DOK2: variants seen among roughly 807,000 people sequenced by gnomAD.
DOK2 encodes the protein docking protein 2, also known as docking protein 2, 56kD.
Under a neutral mutation model 26.0 loss-of-function variants are expected in DOK2, and 28 were observed. The observed-to-expected ratio is 1.08, with a 90% CI of 0.80 to 1.48. The LOEUF (loss-of-function observed/expected upper bound fraction) is 1.48, where lower values mean the gene tolerates loss of function less well. Among genes scored for constraint, DOK2 ranks in the 40% most tolerant of loss-of-function variants. The pLI is 0.00. For synonymous variants in DOK2, 282 were observed against 236.9 expected (o/e 1.19, Z -1.75); for missense variants, 682 against 558.2 (o/e 1.22, Z -2.23).
chr8:21,913,415 G>C, intron 1 of DOK2, 124 bp downstream of exon 1: 1 of 1,159,544 alleles, frequency 8.6e-7, no homozygotes, highest in South Asian at 1.4e-5. Flanking sequence ...TGAGCTCTGG[G>C]TCTAACTTGG....
chr8:21,913,513 C>T (rs1253283895), intron 1 of DOK2, 26 bp downstream of exon 1: 2 of 1,613,574 alleles, frequency 1.2e-6, no homozygotes, highest in Non-Finnish European at 1.7e-6. Flanking sequence ...GCCCCCTGCC[C>T]AACCCCAGCC....
At chr8:21,910,568 C>T (rs1809800359) in intron 4 of DOK2, 105 bp downstream of exon 4, 1 of 1,422,482 alleles carries the variant, frequency 7.0e-7, no homozygotes. Flanking sequence ...TTGCTTCACT[C>T]CATCTCCCTC....
chr8:21,909,474 C>T lies in DOK2; in HGVS notation c.1076G>A (p.Ser359Asn). Residue 359 changes from serine (S) to asparagine (N), a missense_variant, in exon 5 of 5, where the codon AGC becomes AAC. Coordinates refer to ENST00000276420, the MANE Select transcript of DOK2 (RefSeq NM_003974.4). ...EGVAALSLYD[S>N]PQEPRGEAWR... Reference sequence around the variant, plus strand: ...TGCCTCACCCCGGGGCTCCTGCGGGCTGTCATAGAGGGACAGGGCAGCCAC... The same window carrying T: ...TGCCTCACCCCGGGGCTCCTGCGGGTTGTCATAGAGGGACAGGGCAGCCAC... The T allele has an allele frequency of 6.2e-7, 1 of 1,613,652 alleles. No homozygotes were observed. Among genetic ancestry groups the T allele is most frequent in the Non-Finnish European group, 8.5e-7 (1 of 1,179,664 alleles).
In DOK2 at chr8:21,911,889, C is replaced by T. The variant is rs1254584126; in HGVS notation, c.433+12G>A. The T allele has an allele frequency of 1.3e-6, 2 of 1,554,462 alleles. No individual in the cohort carries two copies. Among genetic ancestry groups the T allele is most frequent in the Non-Finnish European group, 1.7e-6 (2 of 1,149,584 alleles). ...CCCCCAGGGGAGAGCAGGGCAGCCC[C>T]CGCCCCCTCACCTGTGACTGCGCTG... On this transcript the variant is annotated intron_variant, in intron 3 of 4. Coordinates refer to ENST00000276420, the MANE Select transcript of DOK2 (RefSeq NM_003974.4).
intron 3 of DOK2, 143 bp from the exon 4 acceptor site, chr8:21,911,000 G>T: frequency 1.0e-6 from 1 of 990,216 alleles, no homozygotes; most frequent in South Asian, 1.7e-5. Flanking sequence ...CCTGGGTCTT[G>T]GAGGCTGAGC....
Position 21,909,224 on chromosome 8 carries a change from G to A in DOK2, c.*87C>T. 1 of 1,456,366 alleles carries A rather than the reference G, an allele frequency of 6.9e-7. No individual in the cohort carries two copies. The highest frequency in any genetic ancestry group is 9.2e-7 in the Non-Finnish European group (1 of 1,084,088). The allele number at this position is 1,456,366 out of a possible 1,614,324, so 90.2% of individuals were successfully genotyped here. ...CAGGCCAGGCCTCGGGCTCCAGAAG[G>A]GGCAGAGGAGGTTCTTCTGATGCAG... On this transcript the variant is annotated 3_prime_UTR_variant, in exon 5 of 5. Transcript: ENST00000276420.
At position 21,909,420 on chromosome 8, in the gene DOK2, T is replaced by C; in HGVS notation, c.1130A>G (p.Asp377Gly). The change falls in exon 5 of 5, where the codon GAC becomes GGC. Residue 377 changes from aspartate (D) to glycine (G), a missense_variant. Asp to Gly is a moderately conservative substitution (Grantham distance 94). Transcript: ENST00000276420. ...AWRRQATADR[D>G]PAGLQHVQPA... ...CTGGACATGCTGGAGGCCAGCAGGGTCCCTGTCAGCTGTCGCCTGCCTCCT... is the reference window on the plus strand; with the variant it reads ...CTGGACATGCTGGAGGCCAGCAGGGCCCCTGTCAGCTGTCGCCTGCCTCCT... 1 of 1,612,192 alleles carries C rather than the reference T, an allele frequency of 6.2e-7. No homozygotes were observed. Among genetic ancestry groups the C allele is most frequent in the East Asian group, 2.2e-5 (1 of 44,846 alleles).
chr8:21,911,905 G>C lies in DOK2; in HGVS notation c.429C>G (p.Val143=). The change falls in exon 3 of 5, where the codon GTC becomes GTG. Residue 143 remains valine (V), a synonymous_variant. Coordinates refer to ENST00000276420, the MANE Select transcript of DOK2 (RefSeq NM_003974.4). ...MEENELYSSA[V]TVGPHKEFAV... ...GGGCAGCCCCCGCCCCCTCACCTGT[G>C]ACTGCGCTGCTGTACAATTCATTTT... 3 of 1,559,836 alleles carry C rather than the reference G, an allele frequency of 1.9e-6. No homozygotes were observed. The highest frequency in any genetic ancestry group is 2.4e-5 in the South Asian group (2 of 84,868).
rs371052882 is a variant in DOK2, at chr8:21,910,788, C to A, written c.503G>T (p.Gly168Val). 1 of 1,613,920 alleles carries A rather than the reference C, an allele frequency of 6.2e-7. No homozygotes were observed. Among genetic ancestry groups the A allele is most frequent in the South Asian group, 1.1e-5 (1 of 91,002 alleles). The change falls in exon 4 of 5, where the codon GGG becomes GTG. Residue 168 changes from glycine (G) to valine (V), a missense_variant. Transcript: ENST00000276420. Reference protein sequence around the residue: ...TEASERCHLRGSYTLRAGESA... With the variant: ...TEASERCHLRVSYTLRAGESA... ...CTCCCCAGCCCGGAGGGTATAGGAC[C>A]CCCGCAGGTGGCACCTCTCACTGGC...
At position 21,909,255 on chromosome 8, in the gene DOK2, A is replaced by C. The variant is rs559855381; in HGVS notation, c.*56T>G. 38 of 1,510,516 alleles carry C rather than the reference A, an allele frequency of 2.5e-5. No homozygotes were observed. In the African/African-American group the frequency reaches 4.6e-4, roughly 18 times the overall value. The allele number at this position is 1,510,516 out of a possible 1,614,324, so 93.6% of individuals were successfully genotyped here. A position where few individuals can be genotyped will look rare whatever the true frequency, so the allele number is the denominator to read the frequency against. On this transcript the variant is annotated 3_prime_UTR_variant, in exon 5 of 5. Transcript: ENST00000276420. ...AGGAGGTTCTTCTGATGCAGTGGCC[A>C]GGAGGAGTCACCAGCAGAAGCCAAG...
At chr8:21,910,634 C>G in intron 4 of DOK2, 39 bp downstream of exon 4, 1 of 1,610,892 alleles carries the variant, frequency 6.2e-7, no homozygotes, top group Non-Finnish European at 8.5e-7. Context: ...CGTAGCTTAT[C>G]CTTTCTCTCA....
chr8:21,909,565 G>A lies in DOK2; in HGVS notation c.985C>T (p.Leu329=), dbSNP rs1259055718. 6.2e-7 allele frequency: 1 copy of A among 1,614,052 alleles called. No homozygotes were observed. Among genetic ancestry groups the A allele is most frequent in the Non-Finnish European group, 8.5e-7 (1 of 1,180,050 alleles). The change falls in exon 5 of 5, where the codon CTG becomes TTG. Residue 329 remains leucine, a synonymous_variant. Coordinates refer to ENST00000276420, the MANE Select transcript of DOK2 (RefSeq NM_003974.4). Reference sequence around the variant, plus strand: ...AGGGTCTCCTCAATGCTGTCGTACAGAGGGTCGGCCAGGAGCTGAGGAGGG... The same window carrying A: ...AGGGTCTCCTCAATGCTGTCGTACAAAGGGTCGGCCAGGAGCTGAGGAGGG... ...AVPPQLLADP[L]YDSIEETLPP... is the part of the protein sequence containing the mutation.
At position 21,911,530 on chromosome 8, in the gene DOK2, C is replaced by A. The variant is rs192238659; in HGVS notation, c.433+371G>T. On this transcript the variant is annotated intron_variant, in intron 3 of 4. Coordinates refer to ENST00000276420, the MANE Select transcript of DOK2 (RefSeq NM_003974.4). The stretch of plus-strand genomic sequence containing the variant: ...GGCTGAGGCAGGAGAATCGCTTGAA[C>A]CCGGGAAGCGGCGGTTGCAGTGAGC... Among the ~76,000 whole-genome samples the A allele has an allele frequency of 2.8e-3, 425 of 152,330 alleles. 3 individuals carry two copies. The highest frequency in any genetic ancestry group is 9.6e-3 in the African/African-American group (401 of 41,566).
At chr8:21,911,811 G>T in intron 3 of DOK2, 90 bp downstream of exon 3, 1 of 1,355,976 alleles carries the variant, frequency 7.4e-7, no homozygotes, top group Non-Finnish European at 9.9e-7. Flanking sequence ...AGGAAGACTC[G>T]GGGCCAGCAG....
chr8:21,913,060 A>C (rs1056646801), intron 1 of DOK2, among the ~76,000 whole-genome samples: 9 of 152,142 alleles, frequency 5.9e-5, no homozygotes, highest in African/African-American at 2.2e-4. Flanking sequence ...TCCTGGTTCA[A>C]GGAGGCCAGG....
intron 1 of DOK2, among the ~76,000 whole-genome samples, chr8:21,912,772 C>T (rs1199944041): frequency 6.6e-6 from 1 of 152,200 alleles, no homozygotes; most frequent in Non-Finnish European, 1.5e-5. Flanking sequence ...CAGAAAGCAA[C>T]GCCGGGATGA....
chr8:21,909,477 T>A lies in DOK2; in HGVS notation c.1073A>T (p.Asp358Val), dbSNP rs749737261. 2.5e-6 allele frequency: 4 copies of A among 1,613,808 alleles called. No homozygotes were observed. The East Asian group carries it at 8.9e-5, about 36-fold the overall frequency. ...PEGVAALSLY[D>V]SPQEPRGEAW... ...CTCACCCCGGGGCTCCTGCGGGCTGTCATAGAGGGACAGGGCAGCCACTCC... is the reference window on the plus strand; with the variant it reads ...CTCACCCCGGGGCTCCTGCGGGCTGACATAGAGGGACAGGGCAGCCACTCC... The change falls in exon 5 of 5, where the codon GAC (aspartate) becomes GTC (valine). Residue 358 changes from aspartate (D) to valine (V), a missense_variant. Physicochemically the swap from Asp to Val is radical, Grantham distance 152 (BLOSUM62 -3). Transcript: ENST00000276420.
chr8:21,913,660 C>T lies in DOK2; in HGVS notation c.-59G>A. 1 of 1,593,094 alleles carries T rather than the reference C, an allele frequency of 6.3e-7. No individual in the cohort carries two copies. ...CTCTCCTTCACTCCTGCCCTTGCCT[C>T]TCTCTTCTTAGCCGTGTGTTTCCCT... On this transcript the variant is annotated 5_prime_UTR_variant, in exon 1 of 5. Transcript: ENST00000276420.
chr8:21,911,119 C>T (rs1049337306), intron 3 of DOK2: 12 of 489,520 alleles, frequency 2.5e-5, no homozygotes, highest in African/African-American at 2.0e-4. Flanking sequence ...CCACATCCTT[C>T]CTGCCCCTGT....
Sources: allele counts gnomAD v4.1 joint callset (sites outside exome capture counted in the v4.1 genomes callset), GRCh38; gene constraint gnomAD v4.1.1; transcripts MANE v1.5; gene names NCBI Gene and HGNC (gene_info 2026-07-23, HGNC 2026-07-21).